Variants in SPRED1 observed in about 807,000 individuals in gnomAD.
SPRED1 encodes sprouty related EVH1 domain containing 1.
A neutral mutation model predicts 52.3 loss-of-function variants in SPRED1; 18 were observed. The ratio of observed to expected loss-of-function variants is 0.34; its 90% CI spans 0.24 to 0.51. The LOEUF (loss-of-function observed/expected upper bound fraction) is 0.51, where lower values mean the gene tolerates loss of function less well. Among genes scored for constraint, SPRED1 ranks in the 20% least tolerant of loss-of-function variants. The probability of loss-of-function intolerance (pLI) is 0.97; values close to 1 mark genes in which losing one functional copy is unlikely to be tolerated. For synonymous variants in SPRED1, 155 were observed against 179.7 expected (o/e 0.86, Z 1.10); for missense variants, 485 against 551.0 (o/e 0.88, Z 1.20).
intron 1 of SPRED1, among the ~76,000 whole-genome samples, chr15:38,258,185 T>G (rs565230461): frequency 1.4e-4 from 22 of 152,226 alleles, no homozygotes; most frequent in Non-Finnish European, 2.6e-4. Flanking sequence ...CTTATGATGT[T>G]GGTGATGAAA....
intron 4 of SPRED1, among the ~76,000 whole-genome samples, chr15:38,328,157 A>G (rs1895742707): frequency 6.6e-6 from 1 of 152,208 alleles, no homozygotes; most frequent in African/African-American, 2.4e-5. Context: ...TGGTGTTTAT[A>G]TCGGGTTTAC....
intron 1 of SPRED1, among the ~76,000 whole-genome samples, chr15:38,256,229 ATT>A (rs1309191438): frequency 6.6e-6 from 1 of 152,132 alleles, no homozygotes; most frequent in Non-Finnish European, 1.5e-5. Flanking sequence ...GAGCAAAAGA[ATT>A]TGTGTTATAA....
At chr15:38,349,667 C>A (rs527826949) in intron 6 of SPRED1, 144 bp downstream of exon 6, 1 of 623,300 alleles carries the variant, frequency 1.6e-6, no homozygotes, top group Non-Finnish European at 2.8e-6. Flanking sequence ...TGTGCTTAAA[C>A]GCTGTTAGTT....
At chr15:38,285,696 G>A (rs1894792103) in intron 1 of SPRED1, among the ~76,000 whole-genome samples, 1 of 152,130 alleles carries the variant, frequency 6.6e-6, no homozygotes, top group South Asian at 2.1e-4. Flanking sequence ...TGTGGCTCTT[G>A]GAGGTTTCTG....
chr15:38,341,822 G>A (rs565382072), intron 5 of SPRED1, among the ~76,000 whole-genome samples: 1 of 152,114 alleles, frequency 6.6e-6, no homozygotes, highest in African/African-American at 2.4e-5. Context: ...TAGTAGTTGG[G>A]TATAGCAGCC....
intron 2 of SPRED1, among the ~76,000 whole-genome samples, chr15:38,318,695 C>T (rs542048138): frequency 2.6e-5 from 4 of 152,224 alleles, no homozygotes; most frequent in Admixed American, 6.5e-5. Flanking sequence ...GTTTGGCTTT[C>T]GGTTCCTACA....
chr15:38,276,794 G>T (rs527605005), intron 1 of SPRED1, among the ~76,000 whole-genome samples: 1 of 152,090 alleles, frequency 6.6e-6, no homozygotes, highest in Non-Finnish European at 1.5e-5. Context: ...TTTTGAGCCT[G>T]TCCTTTTAAA....
At chr15:38,266,043 A>G (rs1223507908) in intron 1 of SPRED1, among the ~76,000 whole-genome samples, 1 of 152,170 alleles carries the variant, frequency 6.6e-6, no homozygotes, top group African/African-American at 2.4e-5. Flanking sequence ...GTTAAGTTTT[A>G]TGGTCATTAA....
At chr15:38,324,152 G>A (rs927897760) in intron 3 of SPRED1, among the ~76,000 whole-genome samples, 1 of 152,134 alleles carries the variant, frequency 6.6e-6, no homozygotes, top group Non-Finnish European at 1.5e-5. Context: ...GTGCTAAGCT[G>A]TGCCTCTCAA....
intron 2 of SPRED1, among the ~76,000 whole-genome samples, chr15:38,302,536 C>T (rs1389559263): frequency 6.6e-6 from 1 of 152,102 alleles, no homozygotes; most frequent in Non-Finnish European, 1.5e-5. Context: ...TCCTATGTTG[C>T]TTACCTATAA....
intron 2 of SPRED1, among the ~76,000 whole-genome samples, chr15:38,312,291 T>C (rs1895385492): frequency 6.6e-6 from 1 of 152,146 alleles, no homozygotes; most frequent in African/African-American, 2.4e-5. Context: ...CTCCAAATTA[T>C]AGAAATCCAG....
At chr15:38,330,073 C>T (rs1390062425) in intron 4 of SPRED1, among the ~76,000 whole-genome samples, 4 of 152,224 alleles carry the variant, frequency 2.6e-5, no homozygotes, top group African/African-American at 7.2e-5. Context: ...TATGTGTTAG[C>T]AGGATGTGTG....
intron 2 of SPRED1, among the ~76,000 whole-genome samples, chr15:38,317,100 A>T (rs1403022202): frequency 6.6e-6 from 1 of 151,890 alleles, no homozygotes; most frequent in Non-Finnish European, 1.5e-5. Context: ...TATCTATTTT[A>T]TGAATGTCCT....
At chr15:38,318,953 T>C (rs1895545398) in intron 2 of SPRED1, among the ~76,000 whole-genome samples, 1 of 152,164 alleles carries the variant, frequency 6.6e-6, no homozygotes, top group African/African-American at 2.4e-5. Flanking sequence ...CTCTAAACAA[T>C]AGATGCCATT....
chr15:38,273,588 T>G (rs1184176375), intron 1 of SPRED1, among the ~76,000 whole-genome samples: 1 of 148,590 alleles, frequency 6.7e-6, no homozygotes, highest in Non-Finnish European at 1.5e-5. Context: ...ATAGGATGTG[T>G]AGGACTTTAG....
intron 1 of SPRED1, among the ~76,000 whole-genome samples, chr15:38,290,261 A>G (rs1159681263): frequency 6.6e-6 from 1 of 152,170 alleles, no homozygotes; most frequent in Non-Finnish European, 1.5e-5. Context: ...TCATAGTATC[A>G]ATGCTAGTAA....
At position 38,356,921 on chromosome 15, in the gene SPRED1, CTG is replaced by C. The variant is rs986299257; in HGVS notation, c.*5259_*5260del. Reference sequence around the variant, plus strand: ...GTTTATTTGAAAAATCAAGGAGTAACTGTATCTTTACCATTAATTATGAAATG... The same window carrying C: ...GTTTATTTGAAAAATCAAGGAGTAACTATCTTTACCATTAATTATGAAATG... On this transcript the variant is annotated 3_prime_UTR_variant, in exon 7 of 7. Transcript: ENST00000299084. 1.1e-4 allele frequency: 17 copies of C among 152,262 alleles called. No homozygotes were observed. Among genetic ancestry groups the C allele is most frequent in the African/African-American group, 1.4e-4 (6 of 41,576 alleles). The allele number at this position is 152,262 out of a possible 1,614,324, so 9.4% of individuals were successfully genotyped here. A position where few individuals can be genotyped will look rare whatever the true frequency, so the allele number is the denominator to read the frequency against.
intron 1 of SPRED1, among the ~76,000 whole-genome samples, chr15:38,292,032 G>C (rs957468973): frequency 6.6e-6 from 1 of 152,134 alleles, no homozygotes; most frequent in African/African-American, 2.4e-5. Flanking sequence ...TTTGAAAACA[G>C]CATAAAACAA....
intron 1 of SPRED1, among the ~76,000 whole-genome samples, chr15:38,287,134 ATTC>A (rs1450499032): frequency 6.6e-6 from 1 of 152,122 alleles, no homozygotes; most frequent in East Asian, 1.9e-4. Context: ...TAAGGCCTTT[ATTC>A]TAGAGACTAG....
Sources: gnomAD v4.1 joint callset for allele counts (sites outside exome capture counted in the v4.1 genomes callset) on GRCh38, gnomAD v4.1.1 for gene constraint, MANE v1.5 for transcripts, NCBI Gene and HGNC (gene_info 2026-07-23, HGNC 2026-07-21) for gene names.